Variants in MIPEP observed in about 807,000 individuals in gnomAD.
MIPEP encodes mitochondrial intermediate peptidase.
Under a neutral mutation model 90.3 loss-of-function variants are expected in MIPEP, and 79 were observed. The observed-to-expected ratio is 0.87, with a 90% CI of 0.73 to 1.05. MIPEP has a LOEUF of 1.05. MIPEP is among the 50% of genes least tolerant of loss of function. The pLI, the probability that MIPEP is intolerant of heterozygous loss-of-function variation, is 0.00. For missense variants in MIPEP, 940 were observed against 905.6 expected, an observed-to-expected ratio of 1.04 and a Z score of -0.49; for synonymous variants, 334 against 315.8, an observed-to-expected ratio of 1.06 and a Z score of -0.61.
chr13:23,754,242 C>T (rs1218199819), intron 18 of MIPEP, among the ~76,000 whole-genome samples: 3 of 152,114 alleles, frequency 2.0e-5, no homozygotes, highest in Admixed American at 1.3e-4. Context: ...GACTGACTGC[C>T]TCCAAGAAAA....
intron 18 of MIPEP, among the ~76,000 whole-genome samples, chr13:23,735,430 G>A (rs182456172): frequency 6.6e-6 from 1 of 152,230 alleles, no homozygotes; most frequent in Admixed American, 6.5e-5. Flanking sequence ...TAAATGACTG[G>A]AATTCTCAGA....
At chr13:23,847,094 AG>A (rs1318747590) in intron 10 of MIPEP, among the ~76,000 whole-genome samples, 1 of 152,182 alleles carries the variant, frequency 6.6e-6, no homozygotes, top group Non-Finnish European at 1.5e-5. Context: ...AATCAACAGG[AG>A]GGCACATCTT....
chr13:23,765,289 T>A (rs1952581818), intron 16 of MIPEP, among the ~76,000 whole-genome samples: 1 of 152,200 alleles, frequency 6.6e-6, no homozygotes, highest in Non-Finnish European at 1.5e-5. Flanking sequence ...AGCTTTCCTA[T>A]CCACAGTTTC....
intron 18 of MIPEP, among the ~76,000 whole-genome samples, chr13:23,747,751 T>C (rs1448061176): frequency 6.6e-6 from 1 of 152,172 alleles, no homozygotes; most frequent in Non-Finnish European, 1.5e-5. Context: ...TTTGTTGTTG[T>C]TGTTGTTGAG....
At position 23,885,455 on chromosome 13, in the gene MIPEP, T is replaced by C. The variant is rs528552684; in HGVS notation, c.363+878A>G. 1.2e-3 allele frequency among the ~76,000 whole-genome samples: 179 copies of C among 152,308 alleles called. 1 individual carries two copies. The highest frequency in any genetic ancestry group is 4.2e-3 in the African/African-American group (173 of 41,556). ...AATAACCAGAAGAGTATAATTGGAT[T>C]GTTTGTAACAGAAAGGATAAATGCT... is the stretch of plus-strand genomic sequence containing the variant. On this transcript the variant is annotated intron_variant, in intron 2 of 18. Transcript: ENST00000382172.
At chr13:23,746,674 A>G (rs193182523) in intron 18 of MIPEP, among the ~76,000 whole-genome samples, 2 of 151,988 alleles carry the variant, frequency 1.3e-5, no homozygotes, top group East Asian at 1.9e-4. Flanking sequence ...AACACCATCT[A>G]TAACAAATGA....
At chr13:23,822,955 G>A (rs7325328) in intron 14 of MIPEP, among the ~76,000 whole-genome samples, 95,182 of 151,210 alleles carry the variant, frequency 0.63, 30,869 homozygotes, top group East Asian at 0.78. Flanking sequence ...GCATGATCTC[G>A]GCTCACTGCA....
At chr13:23,850,402 CT>C (rs1297797752) in intron 10 of MIPEP, among the ~76,000 whole-genome samples, 1 of 152,086 alleles carries the variant, frequency 6.6e-6, no homozygotes, top group Non-Finnish European at 1.5e-5. Context: ...CTGAAAAGAC[CT>C]TTCCCCCTGT....
rs527495592 is a variant in MIPEP, at chr13:23,871,160, A to G, written c.604-965T>C. Among the ~76,000 whole-genome samples the G allele has an allele frequency of 1.3e-3, 192 of 152,354 alleles. No homozygotes were observed. The Middle Eastern group carries it at 0.017, about 13-fold the overall frequency. ...ACTCTGTGTCCCTGCCATGTGGCAC[A>G]TGGTCCTTGCTCCTGCCAGGCCTTC... is the stretch of plus-strand genomic sequence containing the variant. On this transcript the variant is annotated intron_variant, in intron 5 of 18. Coordinates refer to ENST00000382172, the MANE Select transcript of MIPEP (RefSeq NM_005932.4).
Position 23,836,052 on chromosome 13 carries a change from T to C in MIPEP, c.1653+188A>G, listed in dbSNP as rs1170365961. ...AGCTATTTTTCAACACATGACTATA[T>C]GCTAGGACTATGATTTAATAGACTG... is the stretch of plus-strand genomic sequence containing the variant. On this transcript the variant is annotated intron_variant, in intron 14 of 18. Coordinates refer to ENST00000382172, the MANE Select transcript of MIPEP (RefSeq NM_005932.4). Among the ~76,000 whole-genome samples, 8 of 152,326 alleles carry C rather than the reference T, an allele frequency of 5.3e-5. No homozygotes were observed. The East Asian group carries it at 1.5e-3, about 29-fold the overall frequency.
intron 16 of MIPEP, 135 bp from the exon 17 acceptor site, chr13:23,760,352 C>A: frequency 9.2e-7 from 1 of 1,091,820 alleles, no homozygotes; most frequent in Non-Finnish European, 1.4e-6. Context: ...AAGGCTACGT[C>A]ACCTATGATA....
At chr13:23,884,227 G>T (rs1383315745) in intron 2 of MIPEP, among the ~76,000 whole-genome samples, 12 of 148,884 alleles carry the variant, frequency 8.1e-5, no homozygotes, top group African/African-American at 2.7e-4. Flanking sequence ...GGGAGGGGGG[G>T]GTGTGACTAC....
Position 23,805,965 on chromosome 13 carries a change from T to A in MIPEP, c.1833A>T (p.Pro611=), listed in dbSNP as rs146834617. The change falls in exon 16 of 19, where the codon CCA becomes CCT. Residue 611 remains proline, a synonymous_variant. Coordinates refer to ENST00000382172, the MANE Select transcript of MIPEP (RefSeq NM_005932.4). ...KETQEKFYGL[P]YVPNTAWQLR... ...CTGGACTCACAGTATTTGGAACATA[T>A]GGTAGGCCATAGAATTTCTCTTGTG... 3 of 1,613,958 alleles carry A rather than the reference T, an allele frequency of 1.9e-6. No individual in the cohort carries two copies. In the East Asian group the frequency reaches 6.7e-5, roughly 36 times the overall value.
intron 10 of MIPEP, among the ~76,000 whole-genome samples, chr13:23,857,948 CGT>C (rs1246094455): frequency 3.9e-5 from 6 of 152,002 alleles, no homozygotes; most frequent in African/African-American, 1.5e-4. Flanking sequence ...AATAAATACA[CGT>C]ATCATCACAG....
At chr13:23,857,541 G>T (rs1351605276) in intron 10 of MIPEP, among the ~76,000 whole-genome samples, 1 of 152,146 alleles carries the variant, frequency 6.6e-6, no homozygotes, top group Admixed American at 6.6e-5. Context: ...CTGTACTTTG[G>T]CCTGGGCGAC....
intron 15 of MIPEP, among the ~76,000 whole-genome samples, chr13:23,806,448 C>T (rs553041914): frequency 5.1e-4 from 77 of 152,098 alleles, no homozygotes; most frequent in Non-Finnish European, 9.1e-4. Context: ...GAGGCCGAGG[C>T]GGGAGGATCA....
chr13:23,798,304 A>G (rs76081573), intron 16 of MIPEP, among the ~76,000 whole-genome samples: 4,615 of 152,272 alleles, frequency 0.03, 242 homozygotes, highest in African/African-American at 0.1. Context: ...CACATAGAAA[A>G]TTATACTTAA....
chr13:23,846,038 T>A (rs1193226525), intron 10 of MIPEP, among the ~76,000 whole-genome samples: 2 of 152,004 alleles, frequency 1.3e-5, no homozygotes, highest in Non-Finnish European at 2.9e-5. Flanking sequence ...CCTCCTAATT[T>A]TGATACTTTT....
intron 14 of MIPEP, among the ~76,000 whole-genome samples, chr13:23,813,431 T>C (rs7325724): frequency 4.6e-5 from 7 of 151,978 alleles, no homozygotes; most frequent in South Asian, 2.1e-4. Flanking sequence ...TCCTGTATAT[T>C]TGAAATCACC....
Sources: allele counts gnomAD v4.1 joint callset (sites outside exome capture counted in the v4.1 genomes callset), GRCh38; gene constraint gnomAD v4.1.1; transcripts MANE v1.5; gene names NCBI Gene and HGNC (gene_info 2026-07-23, HGNC 2026-07-21).